The following GALNT2 variants were observed in gnomAD, a reference collection of about 807,000 sequenced individuals.
GALNT2 encodes the protein UDP-GalNAc:polypeptide N-acetylgalactosaminyltransferase 2.
Under a neutral mutation model 81.4 loss-of-function variants are expected in GALNT2, and 31 were observed. The ratio of observed to expected loss-of-function variants is 0.38; its 90% CI spans 0.29 to 0.51. The LOEUF (loss-of-function observed/expected upper bound fraction) is 0.51. Ranked by LOEUF, GALNT2 falls within the 20% of genes least tolerant of loss-of-function variation. The probability of loss-of-function intolerance (pLI) is 0.87; values close to 1 mark genes in which losing one functional copy is unlikely to be tolerated. For missense variants in GALNT2, 629 were observed against 765.7 expected (o/e 0.82, Z 2.11); for synonymous variants, 303 against 287.4 (o/e 1.05, Z -0.55).
intron 1 of GALNT2, among the ~76,000 whole-genome samples, chr1:230,167,756 G>A (rs1396818935): frequency 6.6e-6 from 1 of 152,160 alleles, no homozygotes; most frequent in Non-Finnish European, 1.5e-5. Context: ...GCTGCAGCCT[G>A]GCCGGCTGAC....
intron 1 of GALNT2, among the ~76,000 whole-genome samples, chr1:230,125,637 G>A (rs1661150587): frequency 2.0e-5 from 3 of 152,200 alleles, no homozygotes. Context: ...GATTTTGGTG[G>A]GTAAGAGTGC....
intron 14 of GALNT2, among the ~76,000 whole-genome samples, chr1:230,268,771 A>T (rs1335754694): frequency 6.6e-6 from 1 of 152,168 alleles, no homozygotes; most frequent in Non-Finnish European, 1.5e-5. Context: ...TGCCCTCAGG[A>T]GGACAGCCTG....
intron 14 of GALNT2, among the ~76,000 whole-genome samples, chr1:230,267,033 C>T (rs1420791248): frequency 1.3e-5 from 2 of 151,902 alleles, no homozygotes; most frequent in South Asian, 2.1e-4. Flanking sequence ...CACATATGCT[C>T]ATCACGTTCT....
At chr1:230,263,998 C>T (rs1441492673) in intron 13 of GALNT2, 4 of 152,214 alleles carry the variant, frequency 2.6e-5, no homozygotes. Flanking sequence ...TGGCCCATGC[C>T]CCCTAGGAGG....
chr1:230,093,972 T>G (rs1388875241), intron 1 of GALNT2, among the ~76,000 whole-genome samples: 1 of 150,766 alleles, frequency 6.6e-6, no homozygotes, highest in Non-Finnish European at 1.5e-5. Context: ...TCATCCCTTC[T>G]TAAATGAGGG....
intron 2 of GALNT2, among the ~76,000 whole-genome samples, chr1:230,184,084 A>G (rs1283243711): frequency 6.6e-6 from 1 of 150,970 alleles, no homozygotes; most frequent in Non-Finnish European, 1.5e-5. Flanking sequence ...TTCTTATGTT[A>G]AAAGAGCTGC....
chr1:230,155,110 C>G (rs1017386707), intron 1 of GALNT2, among the ~76,000 whole-genome samples: 3 of 152,194 alleles, frequency 2.0e-5, no homozygotes, highest in East Asian at 3.9e-4. Context: ...ATGCACCCCC[C>G]ACCCCGTTTC....
intron 3 of GALNT2, among the ~76,000 whole-genome samples, chr1:230,211,148 A>G (rs909383768): frequency 5.3e-5 from 8 of 152,140 alleles, no homozygotes; most frequent in African/African-American, 1.4e-4. Flanking sequence ...TCTCATAAAC[A>G]TGCGCCGCTG....
intron 1 of GALNT2, among the ~76,000 whole-genome samples, chr1:230,113,181 G>A (rs1660752518): frequency 6.6e-6 from 1 of 152,172 alleles, no homozygotes. Flanking sequence ...TCGGATCTGT[G>A]CTCTGAACAG....
At chr1:230,186,190 T>G (rs531402242) in intron 2 of GALNT2, among the ~76,000 whole-genome samples, 1 of 152,298 alleles carries the variant, frequency 6.6e-6, no homozygotes, top group South Asian at 2.1e-4. Context: ...TGTTTGCTGG[T>G]GAGAGTGTTT....
chr1:230,115,186 A>T (rs1460736391), intron 1 of GALNT2, among the ~76,000 whole-genome samples: 1 of 151,920 alleles, frequency 6.6e-6, no homozygotes, highest in African/African-American at 2.4e-5. Context: ...TTGTATTTTT[A>T]GTAGAGACAG....
chr1:230,125,684 CAG>C (rs1661151852), intron 1 of GALNT2, among the ~76,000 whole-genome samples: 1 of 123,648 alleles, frequency 8.1e-6, no homozygotes, highest in African/African-American at 3.0e-5. Flanking sequence ...TGCCTTCAGG[CAG>C]TGAGAAACTG....
At chr1:230,159,656 G>A (rs1296858929) in intron 1 of GALNT2, among the ~76,000 whole-genome samples, 6 of 152,218 alleles carry the variant, frequency 3.9e-5, no homozygotes, top group South Asian at 2.1e-4. Flanking sequence ...ACCCCGAGCC[G>A]TTGTGGTTCC....
At chr1:230,272,646 T>C (rs980249578) in intron 14 of GALNT2, among the ~76,000 whole-genome samples, 9 of 152,064 alleles carry the variant, frequency 5.9e-5, no homozygotes, top group African/African-American at 1.9e-4. Flanking sequence ...CCTAGACGGG[T>C]GTCCGTGCCT....
chr1:230,088,669 C>T (rs1286156422), intron 1 of GALNT2, among the ~76,000 whole-genome samples: 2 of 151,972 alleles, frequency 1.3e-5, no homozygotes, highest in East Asian at 1.9e-4. Context: ...TCCCAAGTGG[C>T]TGGGACTATA....
chr1:230,095,495 G>A (rs1284696735), intron 1 of GALNT2, among the ~76,000 whole-genome samples: 1 of 152,164 alleles, frequency 6.6e-6, no homozygotes, highest in Non-Finnish European at 1.5e-5. Flanking sequence ...GCATCCCAGT[G>A]TGCTGCTCTG....
At chr1:230,138,178 G>A (rs1168080883) in intron 1 of GALNT2, among the ~76,000 whole-genome samples, 1 of 152,182 alleles carries the variant, frequency 6.6e-6, no homozygotes, top group Non-Finnish European at 1.5e-5. Context: ...TCTTGCACAA[G>A]AAAGAATTCA....
chr1:230,189,320 A>G (rs1490094087), intron 2 of GALNT2, among the ~76,000 whole-genome samples: 1 of 152,160 alleles, frequency 6.6e-6, no homozygotes, highest in Non-Finnish European at 1.5e-5. Context: ...TCTTCATCAC[A>G]GCCACCCCTC....
chr1:230,271,400 C>G lies in GALNT2; in HGVS notation c.1441-3045C>G, dbSNP rs1572162123. On this transcript the variant is annotated intron_variant, in intron 14 of 15. Coordinates refer to ENST00000366672, the MANE Select transcript of GALNT2 (RefSeq NM_004481.5). The surrounding 1 kb of genome is among the most constrained non-coding windows in gnomAD (Gnocchi z 4.2). Reference sequence around the variant, plus strand: ...GCCCTGTGGGCTTTTCCCCCCACACCAAGCAATTCTCCAATTCTCCAATTC... The same window carrying G: ...GCCCTGTGGGCTTTTCCCCCCACACGAAGCAATTCTCCAATTCTCCAATTC... 1.3e-5 allele frequency among the ~76,000 whole-genome samples: 2 copies of G among 152,218 alleles called. No individual in the cohort carries two copies. The highest frequency in any genetic ancestry group is 4.8e-5 in the African/African-American group (2 of 41,456).
Sources: gnomAD v4.1 joint callset for allele counts (sites outside exome capture counted in the v4.1 genomes callset) on GRCh38, gnomAD v4.1.1 for gene constraint, Gnocchi (gnomAD v3.1) non-coding constraint, MANE v1.5 for transcripts, NCBI Gene and HGNC (gene_info 2026-07-23, HGNC 2026-07-21) for gene names.